The following EEF1D variants were observed in gnomAD, a reference collection of about 807,000 sequenced individuals.
The protein encoded by EEF1D is eukaryotic translation elongation factor 1 delta, also known as elongation factor 1-delta.
In EEF1D, 47 loss-of-function variants were observed where a neutral mutation model predicts 63.9. That is an observed-to-expected ratio of 0.74 (90% CI 0.58 to 0.94). The LOEUF is 0.94. EEF1D is among the 40% of genes least tolerant of loss of function. The pLI is 0.00. For synonymous variants in EEF1D, 412 were observed against 386.1 expected, an observed-to-expected ratio of 1.07 and a Z score of -0.79; for missense variants, 907 against 899.0, an observed-to-expected ratio of 1.01 and a Z score of -0.11.
chr8:143,592,744 G>A (rs2131255394), intron 1 of EEF1D, 84 bp from the exon 2 acceptor site: 15 of 978,500 alleles, frequency 1.5e-5, no homozygotes, highest in East Asian at 1.1e-4. Flanking sequence ...GGTCAGCCCG[G>A]GGCGGCCGGG....
At chr8:143,580,767 C>T (rs780562002) in intron 7 of EEF1D, 40 bp from the exon 8 acceptor site, 1 of 1,605,038 alleles carries the variant, frequency 6.2e-7, no homozygotes, top group South Asian at 1.1e-5. Flanking sequence ...GCTGAGACGC[C>T]CCAACCAGGG....
In EEF1D at chr8:143,593,950, G is replaced by A. The variant is rs907570692; in HGVS notation, c.-14-1290C>T. On this transcript the variant is annotated intron_variant, in intron 1 of 9. Coordinates refer to ENST00000618139, the MANE Select transcript of EEF1D (RefSeq NM_001130053.5). ...CAAAGCTTGCGCAGACGACAGGCAC[G>A]TGCAAGCCTCTCCTCTCCAGCAGGA... 17 of 984,234 alleles carry A rather than the reference G, an allele frequency of 1.7e-5. No individual in the cohort carries two copies. In the African/African-American group the frequency reaches 2.1e-4, roughly 12 times the overall value. The allele number at this position is 984,234 out of a possible 1,614,324, so 61.0% of individuals were successfully genotyped here. A position where few individuals can be genotyped will look rare whatever the true frequency, so the allele number is the denominator to read the frequency against.
intron 2 of EEF1D, among the ~76,000 whole-genome samples, chr8:143,591,515 C>A (rs1045400732): frequency 6.6e-6 from 1 of 152,254 alleles, no homozygotes; most frequent in Admixed American, 6.5e-5. Flanking sequence ...CCCAGCCATG[C>A]CCGACTCCAG....
At chr8:143,582,313 A>C (rs1050462353) in intron 5 of EEF1D, 1 of 152,424 alleles carries the variant, frequency 6.6e-6, no homozygotes, top group Admixed American at 6.5e-5. Flanking sequence ...CCCACCTGGC[A>C]GCAAGGCCAG....
chr8:143,589,338 C>A lies in EEF1D; in HGVS notation c.744G>T (p.Glu248Asp). ...CTGGGGGATGGCCGTCAAACAGGGC[C>A]TCGTAGAAGCCCCTCTCGGCTGCAT... ...RYDAAERGFY[E>D]ALFDGHPPGK... Residue 248 changes from glutamate (E) to aspartate (D), a missense_variant, in exon 3 of 10, where the codon GAG becomes GAT. Physicochemically the swap from Glu to Asp is conservative, Grantham distance 45 (BLOSUM62 2). Transcript: ENST00000618139. The A allele has an allele frequency of 1.3e-6, 2 of 1,582,132 alleles. No homozygotes were observed. Among genetic ancestry groups the A allele is most frequent in the Non-Finnish European group, 1.7e-6 (2 of 1,163,282 alleles).
intron 1 of EEF1D, among the ~76,000 whole-genome samples, chr8:143,594,823 C>T (rs1335265775): frequency 2.0e-5 from 3 of 152,226 alleles, no homozygotes; most frequent in Admixed American, 6.5e-5. Flanking sequence ...AGGCTGGAGC[C>T]CCTGAGGAAG....
At chr8:143,586,147 A>T in intron 5 of EEF1D, 72 bp downstream of exon 5, 1 of 1,439,984 alleles carries the variant, frequency 6.9e-7, no homozygotes, top group Non-Finnish European at 9.6e-7. Context: ...AACAACCAGC[A>T]GCATCAGGAA....
intron 5 of EEF1D, 160 bp from the exon 6 acceptor site, chr8:143,581,488 G>A: frequency 3.1e-6 from 2 of 642,296 alleles, no homozygotes; most frequent in African/African-American, 1.8e-5. Flanking sequence ...CCTCAGAGGT[G>A]GCGGCCACCA....
chr8:143,588,767 A>C, intron 3 of EEF1D: 1 of 619,470 alleles, frequency 1.6e-6, no homozygotes, highest in Non-Finnish European at 2.7e-6. Flanking sequence ...GCCCTCATCC[A>C]GGCAGCCTGG....
chr8:143,580,412 A>T lies in EEF1D; in HGVS notation c.1710+94T>A, dbSNP rs1825208314. On this transcript the variant is annotated intron_variant, in intron 8 of 9. Coordinates refer to ENST00000618139, the MANE Select transcript of EEF1D (RefSeq NM_001130053.5). ...AAACTCGGCTTTAAAGTCTCCCCAG[A>T]ACCCAGAGGGCAGGGGGAGGGTCAC... is the stretch of plus-strand genomic sequence containing the variant. 2.1e-6 allele frequency: 3 copies of T among 1,449,484 alleles called. No individual in the cohort carries two copies. The South Asian group carries it at 3.7e-5, about 18-fold the overall frequency. The allele number at this position is 1,449,484 out of a possible 1,614,324, so 89.8% of individuals were successfully genotyped here. A position where few individuals can be genotyped will look rare whatever the true frequency, so the allele number is the denominator to read the frequency against.
chr8:143,594,277 T>C (rs535655331), intron 1 of EEF1D: 1 of 152,316 alleles, frequency 6.6e-6, no homozygotes, highest in Admixed American at 6.5e-5. Flanking sequence ...GAGAGTGCCC[T>C]GGGGTCCTGG....
chr8:143,594,113 G>T, intron 1 of EEF1D: 1 of 168,830 alleles, frequency 5.9e-6, no homozygotes, highest in Non-Finnish European at 1.2e-5. Flanking sequence ...CAGAGAAGCA[G>T]TCTTGGAAAC....
rs3812447 is a variant in EEF1D at position 143,589,786 on chromosome 8, G to A, written c.296C>T (p.Ala99Val). The A allele has an allele frequency of 0.074, 115,709 of 1,572,340 alleles. 4,732 individuals carry two copies. The highest frequency in any genetic ancestry group is 0.14 in the East Asian group (6,385 of 44,442). The change falls in exon 3 of 10, where the codon GCG becomes GTG. Residue 99 changes from alanine (A) to valine (V), a missense_variant. Physicochemically the swap from Ala to Val is moderately conservative, Grantham distance 64. Transcript: ENST00000618139. Reference protein sequence around the residue: ...KRSPKSGLGPADLALLGLSAE... With the variant: ...KRSPKSGLGPVDLALLGLSAE... ...CGAGAGGCCCAGGAGGGCCAGGTCC[G>A]CGGGGCCGAGCCCGCTCTTGGGGGA... is the stretch of plus-strand genomic sequence containing the variant.
At chr8:143,584,526 C>T (rs891080097) in intron 5 of EEF1D, among the ~76,000 whole-genome samples, 3 of 152,126 alleles carry the variant, frequency 2.0e-5, no homozygotes, top group Non-Finnish European at 1.5e-5. Context: ...AGGATCATGC[C>T]ACTGTACTCC....
At position 143,580,572 on chromosome 8, in the gene EEF1D, G is replaced by A. The variant is rs151331734; in HGVS notation, c.1644C>T (p.Tyr548=). ...CAGGCTTCTTGGCCTTCTTCTCCGC[G>A]TACTGCCGTAGCCGCTCCTCCCGCA... ...AQLREERLRQ[Y]AEKKAKKPAL... is the part of the protein sequence containing the mutation. The change falls in exon 8 of 10, where the codon TAC becomes TAT. Residue 548 remains tyrosine, a synonymous_variant. Transcript: ENST00000618139. 171 of 1,613,360 alleles carry A rather than the reference G, an allele frequency of 1.1e-4. 2 individuals carry two copies. In the South Asian group the frequency reaches 1.6e-3, roughly 15 times the overall value.
intron 5 of EEF1D, 138 bp from the exon 6 acceptor site, chr8:143,581,466 T>C (rs1825552173): frequency 2.8e-6 from 2 of 722,302 alleles, no homozygotes; most frequent in Non-Finnish European, 4.5e-6. Flanking sequence ...GATGCCCAGC[T>C]CAAACTTATG....
In EEF1D at chr8:143,589,350, C is replaced by A. The variant is rs761929143; in HGVS notation, c.732G>T (p.Arg244Ser). 6.3e-7 allele frequency: 1 copy of A among 1,577,108 alleles called. No homozygotes were observed. The highest frequency in any genetic ancestry group is 8.6e-7 in the Non-Finnish European group (1 of 1,159,778). The change falls in exon 3 of 10, where the codon AGG (arginine) becomes AGT (serine). Residue 244 changes from arginine (R) to serine (S), a missense_variant. Coordinates refer to ENST00000618139, the MANE Select transcript of EEF1D (RefSeq NM_001130053.5). ...CGTCAAACAGGGCCTCGTAGAAGCC[C>A]CTCTCGGCTGCATCATACCGGGGCT... ...LEKPRYDAAE[R>S]GFYEALFDGH...
intron 2 of EEF1D, chr8:143,590,385 T>C: frequency 3.2e-6 from 2 of 627,788 alleles, no homozygotes; most frequent in Non-Finnish European, 5.4e-6. Context: ...ATTTTGTTAG[T>C]GAATGTATGG....
rs964710055 is a variant in EEF1D at position 143,597,377 on chromosome 8, G to T, written c.-44C>A. 1.3e-5 allele frequency: 2 copies of T among 152,156 alleles called. No homozygotes were observed. Among genetic ancestry groups the T allele is most frequent in the African/African-American group, 4.8e-5 (2 of 41,438 alleles). The allele number at this position is 152,156 out of a possible 1,614,324, so 9.4% of individuals were successfully genotyped here. A position where few individuals can be genotyped will look rare whatever the true frequency, so the allele number is the denominator to read the frequency against. On this transcript the variant is annotated 5_prime_UTR_variant, in exon 1 of 10. Coordinates refer to ENST00000618139, the MANE Select transcript of EEF1D (RefSeq NM_001130053.5). ...CAGCCAAGGACGCGGCGACCAAGGA[G>T]GAGGAATCGGCGGACGCGGGAAGAC...
Sources: gnomAD v4.1 joint callset for allele counts (sites outside exome capture counted in the v4.1 genomes callset) on GRCh38, gnomAD v4.1.1 for gene constraint, MANE v1.5 for transcripts, NCBI Gene and HGNC (gene_info 2026-07-23, HGNC 2026-07-21) for gene names.